Variants in ADRA1A observed in about 807,000 individuals in gnomAD.
ADRA1A encodes alpha-1A adrenergic receptor.
ADRA1A carries 31 observed loss-of-function variants against 29.6 expected under a neutral mutation model. That is an observed-to-expected ratio of 1.05 (90% confidence interval 0.79 to 1.41). The LOEUF is 1.41. Ranked by LOEUF, ADRA1A falls within the 40% of genes most tolerant of loss-of-function variation. The pLI, the probability that ADRA1A is intolerant of heterozygous loss-of-function variation, is 0.00. For synonymous variants in ADRA1A, 311 were observed against 254.3 expected, an observed-to-expected ratio of 1.22 and a Z score of -2.12; for missense variants, 619 against 601.1, an observed-to-expected ratio of 1.03 and a Z score of -0.31.
In ADRA1A at chr8:26,841,798, AT is replaced by A. The variant is rs536507711; in HGVS notation, c.883+22288del. Among the ~76,000 whole-genome samples, 273 of 151,970 alleles carry A rather than the reference AT, an allele frequency of 1.8e-3. No homozygotes were observed. The highest frequency in any genetic ancestry group is 6.1e-3 in the African/African-American group (253 of 41,478). On this transcript the variant is annotated intron_variant, in intron 2 of 2. Coordinates refer to ENST00000380573, the MANE Select transcript of ADRA1A (RefSeq NM_000680.4). The surrounding 1 kb of genome is among the most constrained non-coding windows in gnomAD (Gnocchi z 4.4). ...AAATGACCTCAGATTACTAAACGCT[AT>A]TTTTTTTCTCCTTTTCTTTCCCCTT...
At chr8:26,795,443 A>G (rs1218939165) in intron 2 of ADRA1A, among the ~76,000 whole-genome samples, 3 of 152,164 alleles carry the variant, frequency 2.0e-5, no homozygotes, top group African/African-American at 7.2e-5. Context: ...CTGATAAGTA[A>G]AGAACCAGGC....
chr8:26,750,198 GTC>G (rs1314297808), intron 2 of ADRA1A, among the ~76,000 whole-genome samples: 7 of 151,988 alleles, frequency 4.6e-5, no homozygotes, highest in African/African-American at 1.2e-4. Context: ...CTGGGCTGGG[GTC>G]TCTTCTTTTT....
chr8:26,826,384 C>T (rs1282417660), intron 2 of ADRA1A, among the ~76,000 whole-genome samples: 2 of 152,206 alleles, frequency 1.3e-5, no homozygotes, highest in East Asian at 3.8e-4. Flanking sequence ...GGCAGGGTCA[C>T]ATTATGACTT....
At chr8:26,788,791 C>T (rs2130405567) in intron 2 of ADRA1A, among the ~76,000 whole-genome samples, 1 of 152,280 alleles carries the variant, frequency 6.6e-6, no homozygotes, top group African/African-American at 2.4e-5. Flanking sequence ...ACCGAATGCG[C>T]TACAACCCAC....
intron 2 of ADRA1A, among the ~76,000 whole-genome samples, chr8:26,771,272 A>G (rs1337881919): frequency 2.6e-5 from 4 of 152,186 alleles, no homozygotes; most frequent in Admixed American, 6.5e-5. Context: ...CCCTTTGTCA[A>G]TATCCCTCGA....
At position 26,867,265 on chromosome 8, in the gene ADRA1A, C is replaced by G. The variant is rs1201881915; in HGVS notation, c.-1016G>C. On this transcript the variant is annotated 5_prime_UTR_variant, in exon 1 of 3. Transcript: ENST00000380573. ...GAATAGCAAGGAACTTTGCAGCTCT[C>G]GCTGACGTAACTCAGGCAGTAGCCC... The G allele has an allele frequency of 1.0e-6, 1 of 985,372 alleles. No individual in the cohort carries two copies. The highest frequency in any genetic ancestry group is 1.7e-5 in the African/African-American group (1 of 57,258). 61.0% of individuals were successfully genotyped at this position (985,372 alleles called of 1,614,324 possible). A position where few individuals can be genotyped will look rare whatever the true frequency, so the allele number is the denominator to read the frequency against.
At chr8:26,814,156 A>C (rs906523818) in intron 2 of ADRA1A, among the ~76,000 whole-genome samples, 1 of 152,066 alleles carries the variant, frequency 6.6e-6, no homozygotes, top group Non-Finnish European at 1.5e-5. Flanking sequence ...TCTTAGCTTT[A>C]AAGGAGTGGT....
intron 2 of ADRA1A, among the ~76,000 whole-genome samples, chr8:26,780,637 C>T (rs1806905143): frequency 6.6e-6 from 1 of 152,200 alleles, no homozygotes; most frequent in Admixed American, 6.5e-5. Context: ...AGGGAAACCC[C>T]TGGGCCACAG....
chr8:26,760,767 G>A lies in ADRA1A; in HGVS notation c.1270-3988C>T, dbSNP rs114352759. ...TGCTTCCTCAGGTGCAAATGTCTCT[G>A]GGTAAGCATATGCCCACCTGACTCG... On this transcript the variant is annotated intron_variant, in intron 2 of 2. Coordinates refer to the ADRA1A transcript ENST00000380582. Among the ~76,000 whole-genome samples, 363 of 152,322 alleles carry A rather than the reference G, an allele frequency of 2.4e-3. 1 individual carries two copies. Among genetic ancestry groups the A allele is most frequent in the African/African-American group, 8.2e-3 (339 of 41,568 alleles).
At position 26,825,151 on chromosome 8, in the gene ADRA1A, G is replaced by T. The variant is rs1281245442; in HGVS notation, c.883+38936C>A. On this transcript the variant is annotated intron_variant, in intron 2 of 2. Coordinates refer to ENST00000380573, the MANE Select transcript of ADRA1A (RefSeq NM_000680.4). The surrounding 1 kb of genome is among the most constrained non-coding windows in gnomAD (Gnocchi z 5.7). ...CCAGAGAGACCCCCAGCCCCCACAT[G>T]TCCCACCCTGAGCTTGCTAGGCCTT... Among the ~76,000 whole-genome samples the T allele has an allele frequency of 6.6e-6, 1 of 152,128 alleles. No individual in the cohort carries two copies. The highest frequency in any genetic ancestry group is 1.5e-5 in the Non-Finnish European group (1 of 68,022).
rs146373660 is a variant in ADRA1A, at chr8:26,791,765, G to C, written c.884-21099C>G. ...GTATTCATTCATGTTCCCTCTTCTT[G>C]AGATGTTCTTCCCTTGGGTTTGCAG... On this transcript the variant is annotated intron_variant, in intron 2 of 2. Coordinates refer to ENST00000380573, the MANE Select transcript of ADRA1A (RefSeq NM_000680.4). Among the ~76,000 whole-genome samples, 338 of 152,134 alleles carry C rather than the reference G, an allele frequency of 2.2e-3. 1 individual carries two copies. Among genetic ancestry groups the C allele is most frequent in the African/African-American group, 7.8e-3 (323 of 41,528 alleles).
At position 26,825,479 on chromosome 8, in the gene ADRA1A, C is replaced by A. The variant is rs1563283828; in HGVS notation, c.883+38608G>T. ...ATAAGGGGACCAGGAACACTTTTCA[C>A]TGGTCATCGTGGGGCTTCTCATCCC... On this transcript the variant is annotated intron_variant, in intron 2 of 2. Coordinates refer to ENST00000380573, the MANE Select transcript of ADRA1A (RefSeq NM_000680.4). This position sits in a 1 kb window ranked among gnomAD's most constrained non-coding sequence, Gnocchi z 5.7. 6.6e-6 allele frequency among the ~76,000 whole-genome samples: 1 copy of A among 152,156 alleles called. No homozygotes were observed. Among genetic ancestry groups the A allele is most frequent in the Non-Finnish European group, 1.5e-5 (1 of 68,012 alleles).
At chr8:26,834,660 T>A (rs746473381) in intron 2 of ADRA1A, among the ~76,000 whole-genome samples, 3 of 152,200 alleles carry the variant, frequency 2.0e-5, no homozygotes, top group Non-Finnish European at 4.4e-5. Context: ...CATCAGCCCC[T>A]GCAGTCAGAT....
At chr8:26,828,268 C>T (rs116022040) in intron 2 of ADRA1A, among the ~76,000 whole-genome samples, 3,952 of 152,278 alleles carry the variant, frequency 0.026, 156 homozygotes, top group African/African-American at 0.089. Context: ...GAGTGCTTGA[C>T]ACCAGTCTGC....
chr8:26,865,366 C>T lies in ADRA1A; in HGVS notation c.-397G>A. ...TTCCGCGCTGTCTTATTCGTCCTGG[C>T]TGGGGGAAGATTCAGCATTCTGCAC... On this transcript the variant is annotated 5_prime_UTR_variant, in exon 2 of 3. Coordinates refer to ENST00000380573, the MANE Select transcript of ADRA1A (RefSeq NM_000680.4). The surrounding 1 kb of genome is among the most constrained non-coding windows in gnomAD (Gnocchi z 7.6). The T allele has an allele frequency of 2.9e-6, 3 of 1,041,230 alleles. No homozygotes were observed. Among genetic ancestry groups the T allele is most frequent in the African/African-American group, 1.7e-5 (1 of 58,762 alleles). 64.5% of individuals were successfully genotyped at this position (1,041,230 alleles called of 1,614,324 possible).
chr8:26,830,468 G>A (rs1370660806), intron 2 of ADRA1A, among the ~76,000 whole-genome samples: 1 of 152,110 alleles, frequency 6.6e-6, no homozygotes, highest in East Asian at 1.9e-4. Flanking sequence ...CACATGACTG[G>A]ACCACAGGGA....
At chr8:26,854,098 C>T (rs563193101) in intron 2 of ADRA1A, 9 of 152,142 alleles carry the variant, frequency 5.9e-5, no homozygotes, top group African/African-American at 2.2e-4. Flanking sequence ...AGGAGTGTCC[C>T]CTTTAGCCAG....
intron 2 of ADRA1A, among the ~76,000 whole-genome samples, chr8:26,808,922 TC>T (rs1809187610): frequency 6.6e-6 from 1 of 152,198 alleles, no homozygotes; most frequent in African/African-American, 2.4e-5. Flanking sequence ...TTGGGTGGGA[TC>T]ATTTTTCTGC....
At chr8:26,834,855 C>T (rs997996518) in intron 2 of ADRA1A, among the ~76,000 whole-genome samples, 2 of 152,182 alleles carry the variant, frequency 1.3e-5, no homozygotes, top group Non-Finnish European at 2.9e-5. Flanking sequence ...AACATACAGA[C>T]TTCTATTTTA....
Sources: allele counts gnomAD v4.1 joint callset (sites outside exome capture counted in the v4.1 genomes callset), GRCh38; gene constraint gnomAD v4.1.1; non-coding constraint Gnocchi (gnomAD v3.1); transcripts MANE v1.5; gene names NCBI Gene and HGNC (gene_info 2026-07-23, HGNC 2026-07-21).